The following EVI5 variants were observed in gnomAD, a reference collection of about 807,000 sequenced individuals.
EVI5 encodes the protein ecotropic viral integration site 5.
In EVI5, 73 loss-of-function variants were observed where a neutral mutation model predicts 112.0. The observed-to-expected ratio is 0.65, with a 90% confidence interval of 0.54 to 0.79. EVI5 has a LOEUF of 0.79. Among genes scored for constraint, EVI5 ranks in the 30% least tolerant of loss-of-function variants. The pLI, the probability that EVI5 is intolerant of heterozygous loss-of-function variation, is 0.00. For synonymous variants in EVI5, 305 were observed against 319.9 expected, an observed-to-expected ratio of 0.95 and a Z score of 0.50; for missense variants, 900 against 968.8, an observed-to-expected ratio of 0.93 and a Z score of 0.94.
intron 14 of EVI5, among the ~76,000 whole-genome samples, chr1:92,628,445 T>C (rs1424800040): frequency 6.6e-6 from 1 of 152,242 alleles, no homozygotes; most frequent in Non-Finnish European, 1.5e-5. Flanking sequence ...TCTTCTAGAA[T>C]TTTTATAGTT....
intron 2 of EVI5, among the ~76,000 whole-genome samples, chr1:92,724,424 C>T (rs1245848315): frequency 1.3e-5 from 2 of 152,012 alleles, no homozygotes; most frequent in Non-Finnish European, 1.5e-5. Context: ...TCATTCTTGC[C>T]GTGATTAAAT....
chr1:92,644,770 C>G (rs1660632746), intron 13 of EVI5, among the ~76,000 whole-genome samples: 1 of 152,048 alleles, frequency 6.6e-6, no homozygotes, highest in Non-Finnish European at 1.5e-5. Context: ...TTTAGACTTC[C>G]TCTTTGACCC....
chr1:92,617,595 C>T (rs916316260), intron 16 of EVI5, among the ~76,000 whole-genome samples: 22 of 152,336 alleles, frequency 1.4e-4, no homozygotes, highest in African/African-American at 5.1e-4. Context: ...ATGGAAGTTA[C>T]ACATGGTCTC....
chr1:92,528,788 G>C (rs1039973292), intron 19 of EVI5, among the ~76,000 whole-genome samples: 4 of 152,230 alleles, frequency 2.6e-5, no homozygotes, highest in Admixed American at 2.6e-4. Context: ...AGATGAGAGA[G>C]AGAGTGTGGG....
intron 13 of EVI5, chr1:92,647,556 T>A: frequency 1.9e-6 from 1 of 540,454 alleles, no homozygotes; most frequent in South Asian, 2.0e-5. Flanking sequence ...CCTCTGGGTT[T>A]CTCTTATGTT....
chr1:92,545,480 A>G (rs1050709184), intron 19 of EVI5, among the ~76,000 whole-genome samples: 1 of 152,132 alleles, frequency 6.6e-6, no homozygotes, highest in Non-Finnish European at 1.5e-5. Context: ...AGTCAAAGAA[A>G]TAAGACTTTT....
At chr1:92,783,498 A>G (rs6683942) in intron 1 of EVI5, among the ~76,000 whole-genome samples, 24 of 128,948 alleles carry the variant, frequency 1.9e-4, no homozygotes, top group Non-Finnish European at 2.4e-4. Flanking sequence ...AAAAAAAAAA[A>G]AAAAAAAAAG....
intron 13 of EVI5, among the ~76,000 whole-genome samples, chr1:92,643,863 G>T (rs1320239107): frequency 1.3e-5 from 2 of 152,080 alleles, no homozygotes; most frequent in Non-Finnish European, 2.9e-5. Context: ...AATAAATCTG[G>T]AGTAACATGA....
chr1:92,585,954 G>C lies in EVI5; in HGVS notation c.2070+19353C>G, dbSNP rs1038459594. ...TGGCTGTGACAGCTTCTTAGACTTTGCTTGTTTTTGATGATCTTGTCAGCC... is the reference window on the plus strand; with the variant it reads ...TGGCTGTGACAGCTTCTTAGACTTTCCTTGTTTTTGATGATCTTGTCAGCC... On this transcript the variant is annotated intron_variant, in intron 18 of 19. Transcript: ENST00000684568. 2.0e-5 allele frequency among the ~76,000 whole-genome samples: 3 copies of C among 151,184 alleles called. No individual in the cohort carries two copies. In the East Asian group the frequency reaches 5.8e-4, roughly 29 times the overall value.
At chr1:92,708,270 G>A (rs768687701) in intron 2 of EVI5, among the ~76,000 whole-genome samples, 12 of 151,538 alleles carry the variant, frequency 7.9e-5, no homozygotes, top group Non-Finnish European at 1.5e-4. Flanking sequence ...CTAGAATATA[G>A]AAAGAACCCT....
chr1:92,694,447 G>A (rs1669994082), intron 7 of EVI5, 59 bp from the exon 8 acceptor site: 1 of 966,250 alleles, frequency 1.0e-6, no homozygotes. Flanking sequence ...ACAAAAACGA[G>A]TCATTTGAAA....
intron 2 of EVI5, among the ~76,000 whole-genome samples, chr1:92,718,853 A>T (rs924038907): frequency 2.0e-5 from 3 of 152,168 alleles, no homozygotes; most frequent in East Asian, 3.8e-4. Context: ...TAAAAAAATT[A>T]TAAGAGGGAT....
At chr1:92,642,456 G>A (rs1660172132) in intron 13 of EVI5, among the ~76,000 whole-genome samples, 1 of 152,194 alleles carries the variant, frequency 6.6e-6, no homozygotes, top group African/African-American at 2.4e-5. Flanking sequence ...CAAATTATAA[G>A]TGTAAAGTCA....
chr1:92,538,060 T>C (rs1312637590), intron 19 of EVI5, among the ~76,000 whole-genome samples: 1 of 152,188 alleles, frequency 6.6e-6, no homozygotes, highest in African/African-American at 2.4e-5. Flanking sequence ...ACTTTTTACC[T>C]GAGAAGAAGA....
At chr1:92,683,520 C>A (rs1161738613) in intron 9 of EVI5, among the ~76,000 whole-genome samples, 1 of 152,162 alleles carries the variant, frequency 6.6e-6, no homozygotes, top group East Asian at 1.9e-4. Context: ...ATCACAGCTC[C>A]TCGCCAGCAA....
rs1659196140 is a variant in EVI5, at chr1:92,511,611, A to C, written c.*2045T>G. 6.6e-6 allele frequency: 1 copy of C among 152,184 alleles called. No individual in the cohort carries two copies. Among genetic ancestry groups the C allele is most frequent in the South Asian group, 2.1e-4 (1 of 4,826 alleles). 9.4% of individuals were successfully genotyped at this position (152,184 alleles called of 1,614,324 possible). ...CACTTTGGGAGGCTGAGGCAGGAGG[A>C]CCACTTGAGGCCAGGAGTTCAAGAC... On this transcript the variant is annotated 3_prime_UTR_variant, in exon 20 of 20. Coordinates refer to ENST00000684568, the MANE Select transcript of EVI5 (RefSeq NM_001350197.2).
At chr1:92,634,128 T>C (rs1214417209) in intron 14 of EVI5, among the ~76,000 whole-genome samples, 1 of 152,196 alleles carries the variant, frequency 6.6e-6, no homozygotes, top group Non-Finnish European at 1.5e-5. Context: ...AAACTTCATT[T>C]CAACTTTGGT....
intron 1 of EVI5, among the ~76,000 whole-genome samples, chr1:92,744,885 G>A (rs1679031348): frequency 6.6e-6 from 1 of 152,020 alleles, no homozygotes; most frequent in African/African-American, 2.4e-5. Flanking sequence ...ATTATACACT[G>A]TCAAAAGTAG....
chr1:92,550,676 G>A (rs1320490364), intron 19 of EVI5, among the ~76,000 whole-genome samples: 1 of 134,990 alleles, frequency 7.4e-6, no homozygotes, highest in African/African-American at 2.8e-5. Flanking sequence ...GAACCTGGGA[G>A]GCAGAGCTTG....
Sources: gnomAD v4.1 joint callset for allele counts (sites outside exome capture counted in the v4.1 genomes callset) on GRCh38, gnomAD v4.1.1 for gene constraint, MANE v1.5 for transcripts, NCBI Gene and HGNC (gene_info 2026-07-23, HGNC 2026-07-21) for gene names.